KCNK9: variants seen among roughly 807,000 people sequenced by gnomAD.
The protein encoded by KCNK9 is potassium channel subfamily K member 9.
In KCNK9, 1 loss-of-function variant was observed where a neutral mutation model predicts 10.8. That is an observed-to-expected ratio of 0.09 (90% confidence interval 0.03 to 0.44). The LOEUF (loss-of-function observed/expected upper bound fraction) is 0.44, where lower values mean the gene tolerates loss of function less well. KCNK9 is among the 20% of genes least tolerant of loss of function. KCNK9 has a pLI of 0.97. For missense variants in KCNK9, 303 were observed against 515.0 expected (o/e 0.59, Z 3.98); for synonymous variants, 231 against 222.7 (o/e 1.04, Z -0.33).
intron 1 of KCNK9, among the ~76,000 whole-genome samples, chr8:139,619,976 C>T (rs1246939184): frequency 1.3e-5 from 2 of 152,204 alleles, no homozygotes; most frequent in East Asian, 3.8e-4. Context: ...TGTGTAAGCA[C>T]TTTTGAAATT....
At chr8:139,667,931 C>T (rs996824685) in intron 1 of KCNK9, among the ~76,000 whole-genome samples, 3 of 151,898 alleles carry the variant, frequency 2.0e-5, no homozygotes, top group African/African-American at 4.8e-5. Context: ...ATGCACAGTG[C>T]TGCACATCCG....
chr8:139,620,495 G>C (rs1231506813), intron 1 of KCNK9, among the ~76,000 whole-genome samples: 2 of 152,038 alleles, frequency 1.3e-5, no homozygotes, highest in African/African-American at 2.4e-5. Flanking sequence ...GGACCTACCA[G>C]ACCCCAGGAT....
Position 139,618,577 on chromosome 8 carries a change from T to C in KCNK9, c.806A>G (p.Asn269Ser), listed in dbSNP as rs1007996002. The change falls in exon 2 of 2, where the codon AAC (asparagine) becomes AGC (serine). Residue 269 changes from asparagine (N) to serine (S), a missense_variant. Physicochemically the swap from Asn to Ser is conservative, Grantham distance 46. Transcript: ENST00000520439. The surrounding 1 kb of genome is among the most constrained non-coding windows in gnomAD (Gnocchi z 7.9). ...EERASLAGNR[N>S]SMVIHIPEEP... ...CTCAGGGATGTGAATGACCATGCTG[T>C]TGCGGTTTCCGGCGAGGGATGCCCT... 6.2e-6 allele frequency: 10 copies of C among 1,613,652 alleles called. No individual in the cohort carries two copies. The African/African-American group carries it at 9.3e-5, about 15-fold the overall frequency.
downstream of KCNK9, among the ~76,000 whole-genome samples, chr8:139,609,153 T>C (rs190701164): frequency 8.7e-3 from 1,001 of 115,412 alleles, 5 homozygotes; most frequent in South Asian, 0.017. Flanking sequence ...TACCTGGAAA[T>C]ATGCAGTCAG....
At chr8:139,633,544 G>A (rs1369607365) in intron 1 of KCNK9, among the ~76,000 whole-genome samples, 1 of 152,136 alleles carries the variant, frequency 6.6e-6, no homozygotes, top group Non-Finnish European at 1.5e-5. Context: ...AAATGCTGCA[G>A]GCACGCATGC....
chr8:139,649,594 C>G (rs1030214345), intron 1 of KCNK9, among the ~76,000 whole-genome samples: 3 of 152,156 alleles, frequency 2.0e-5, no homozygotes, highest in African/African-American at 7.2e-5. Context: ...ACTCCTGGGC[C>G]CTTCCTCCTG....
intron 1 of KCNK9, among the ~76,000 whole-genome samples, chr8:139,701,789 C>T (rs1454487274): frequency 3.3e-5 from 5 of 152,164 alleles, no homozygotes; most frequent in Admixed American, 2.6e-4. Context: ...CCAAGTATAA[C>T]GTCCGGGAGT....
At chr8:139,624,073 G>A (rs567158612) in intron 1 of KCNK9, among the ~76,000 whole-genome samples, 26 of 152,320 alleles carry the variant, frequency 1.7e-4, no homozygotes, top group African/African-American at 6.0e-4. Flanking sequence ...CCCTAAGCCA[G>A]AGCCCCACCA....
At chr8:139,634,863 G>T (rs1815291350) in intron 1 of KCNK9, among the ~76,000 whole-genome samples, 1 of 152,176 alleles carries the variant, frequency 6.6e-6, no homozygotes, top group South Asian at 2.1e-4. Context: ...AGGGGACAAG[G>T]CCCCTCCTTG....
downstream of KCNK9, among the ~76,000 whole-genome samples, chr8:139,613,225 G>C (rs1238775219): frequency 3.3e-5 from 5 of 152,186 alleles, no homozygotes; most frequent in African/African-American, 1.2e-4. Context: ...GAGCAGGGTG[G>C]CAAAGTATTG....
chr8:139,644,084 G>A (rs771123533), intron 1 of KCNK9, among the ~76,000 whole-genome samples: 8 of 152,188 alleles, frequency 5.3e-5, no homozygotes, highest in Admixed American at 1.3e-4. Flanking sequence ...TGCTAGGAAG[G>A]GCCAGACTCA....
chr8:139,657,234 T>C (rs900541882), intron 1 of KCNK9, among the ~76,000 whole-genome samples: 1 of 152,228 alleles, frequency 6.6e-6, no homozygotes, highest in African/African-American at 2.4e-5. Flanking sequence ...ACTAGCTGTG[T>C]GCCCTTGGGT....
intron 1 of KCNK9, among the ~76,000 whole-genome samples, chr8:139,682,618 TTAGA>T (rs1478086946): frequency 6.6e-6 from 1 of 152,090 alleles, no homozygotes; most frequent in African/African-American, 2.4e-5. Flanking sequence ...AATCAAGAGC[TTAGA>T]TTTCAAGGGC....
chr8:139,602,329 C>T (rs1236782219), intron 2 of KCNK9, among the ~76,000 whole-genome samples: 1 of 152,196 alleles, frequency 6.6e-6, no homozygotes, highest in East Asian at 1.9e-4. Context: ...ACGGATTGAT[C>T]AGATTTGCTC....
intron 1 of KCNK9, among the ~76,000 whole-genome samples, chr8:139,648,712 G>A (rs368257065): frequency 2.6e-5 from 4 of 152,216 alleles, no homozygotes; most frequent in Non-Finnish European, 2.9e-5. Context: ...GGGTAAGGAC[G>A]CGGCCCCTGC....
intron 1 of KCNK9, among the ~76,000 whole-genome samples, chr8:139,622,714 A>G (rs372076830): frequency 3.3e-5 from 5 of 152,200 alleles, no homozygotes; most frequent in African/African-American, 7.2e-5. Flanking sequence ...CTGTTACACT[A>G]TCTGTTTTCC....
chr8:139,678,002 A>ATGG lies in KCNK9; in HGVS notation c.283+24707_283+24708insCCA, dbSNP rs1297118018. On this transcript the variant is annotated intron_variant, in intron 1 of 1. Coordinates refer to ENST00000520439, the MANE Select transcript of KCNK9 (RefSeq NM_001282534.2). ...TCACATCCCAGCCCAACAGGTCCCCACGGCTGCAGAGTAATACCTCGCATC... is the reference window on the plus strand; with the variant it reads ...TCACATCCCAGCCCAACAGGTCCCCATGGCGGCTGCAGAGTAATACCTCGCATC... Among the ~76,000 whole-genome samples the ATGG allele has an allele frequency of 6.1e-3, 916 of 149,338 alleles. 43 individuals carry two copies. The highest frequency in any genetic ancestry group is 0.023 in the African/African-American group (877 of 38,820).
chr8:139,624,886 G>T (rs1018576104), intron 1 of KCNK9, among the ~76,000 whole-genome samples: 1 of 152,194 alleles, frequency 6.6e-6, no homozygotes, highest in Non-Finnish European at 1.5e-5. Context: ...AAATGTCAAA[G>T]CCCACTTGGA....
chr8:139,613,793 G>GC (rs1814500959), downstream of KCNK9, among the ~76,000 whole-genome samples: 1 of 152,082 alleles, frequency 6.6e-6, no homozygotes, highest in Non-Finnish European at 1.5e-5. Flanking sequence ...GTCTGTGCTG[G>GC]CCACGACTCT....
Sources: allele counts gnomAD v4.1 joint callset (sites outside exome capture counted in the v4.1 genomes callset), GRCh38; gene constraint gnomAD v4.1.1; non-coding constraint Gnocchi (gnomAD v3.1); transcripts MANE v1.5; gene names NCBI Gene and HGNC (gene_info 2026-07-23, HGNC 2026-07-21).